The following PLEKHA8 variants were observed in gnomAD, a reference collection of about 807,000 sequenced individuals.
The protein encoded by PLEKHA8 is pleckstrin homology domain containing A8.
In PLEKHA8, 36 loss-of-function variants were observed where a neutral mutation model predicts 68.2. The observed-to-expected ratio is 0.53, with a 90% confidence interval of 0.40 to 0.70. The LOEUF (loss-of-function observed/expected upper bound fraction) is 0.70. Among genes scored for constraint, PLEKHA8 ranks in the 30% least tolerant of loss-of-function variants. The pLI is 0.00. For synonymous variants in PLEKHA8, 211 were observed against 216.1 expected, an observed-to-expected ratio of 0.98 and a Z score of 0.20; for missense variants, 505 against 615.4, an observed-to-expected ratio of 0.82 and a Z score of 1.90.
intron 13 of PLEKHA8, among the ~76,000 whole-genome samples, chr7:30,127,587 A>T (rs1382648069): frequency 6.6e-6 from 1 of 152,220 alleles, no homozygotes; most frequent in Non-Finnish European, 1.5e-5. Context: ...AGACTGAAAT[A>T]GACCGAAAGG....
At chr7:30,074,045 C>G (rs1255421985) in intron 12 of PLEKHA8, 26 bp from the exon 13 acceptor site, 4 of 1,586,706 alleles carry the variant, frequency 2.5e-6, no homozygotes, top group Non-Finnish European at 1.7e-6. Flanking sequence ...GAAAGTGTTC[C>G]TCATGGAGTT....
rs117143366 is a variant in PLEKHA8, at chr7:30,127,809, C to A, written c.1363-1457C>A. Among the ~76,000 whole-genome samples the A allele has an allele frequency of 6.0e-4, 92 of 152,292 alleles. No individual in the cohort carries two copies. In the East Asian group the frequency reaches 0.012, roughly 19 times the overall value. Reference sequence around the variant, plus strand: ...CCATGGATATTAACCAATTTTACATCTATTTTTACATTCATTTCAGCATTC... The same window carrying A: ...CCATGGATATTAACCAATTTTACATATATTTTTACATTCATTTCAGCATTC... On this transcript the variant is annotated intron_variant, in intron 13 of 13. Coordinates refer to the PLEKHA8 transcript ENST00000396257.
At chr7:30,069,009 T>A (rs1794055902) in intron 12 of PLEKHA8, among the ~76,000 whole-genome samples, 1 of 151,602 alleles carries the variant, frequency 6.6e-6, no homozygotes, top group Non-Finnish European at 1.5e-5. Flanking sequence ...ATACCAACTT[T>A]GAGAGAGAGA....
intron 13 of PLEKHA8, among the ~76,000 whole-genome samples, chr7:30,129,034 GGATGAA>G (rs1287283198): frequency 8.5e-5 from 13 of 152,180 alleles, no homozygotes; most frequent in Admixed American, 2.0e-4. Flanking sequence ...CCACCACTGG[GGATGAA>G]GTTTCAACAC....
intron 12 of PLEKHA8, among the ~76,000 whole-genome samples, chr7:30,073,062 A>AT (rs1355509842): frequency 6.6e-5 from 10 of 152,136 alleles, no homozygotes; most frequent in Non-Finnish European, 1.3e-4. Flanking sequence ...GGTTCTTGGG[A>AT]TTTTTTTCAT....
At chr7:30,037,034 T>C (rs933328741) in intron 1 of PLEKHA8, among the ~76,000 whole-genome samples, 1 of 152,118 alleles carries the variant, frequency 6.6e-6, no homozygotes, top group Non-Finnish European at 1.5e-5. Flanking sequence ...AGGGCTCTAA[T>C]GGGATGAGGT....
intron 13 of PLEKHA8, among the ~76,000 whole-genome samples, chr7:30,103,710 C>G (rs1418776092): frequency 6.6e-6 from 1 of 152,222 alleles, no homozygotes; most frequent in African/African-American, 2.4e-5. Context: ...AACTGCTTAT[C>G]TCTATGGAAA....
chr7:30,064,121 C>T (rs1452856445), intron 12 of PLEKHA8, among the ~76,000 whole-genome samples: 2 of 152,236 alleles, frequency 1.3e-5, no homozygotes, highest in Admixed American at 1.3e-4. Flanking sequence ...GTGCTCTGCC[C>T]TTAGGCAAGT....
At chr7:30,068,537 G>A (rs1794022919) in intron 12 of PLEKHA8, among the ~76,000 whole-genome samples, 1 of 152,156 alleles carries the variant, frequency 6.6e-6, no homozygotes, top group Non-Finnish European at 1.5e-5. Flanking sequence ...GCCTGTTCAT[G>A]TATTTGACCA....
In PLEKHA8 at chr7:30,074,083, G is replaced by A; in HGVS notation, c.1313G>A (p.Gly438Asp). 3 of 1,612,914 alleles carry A rather than the reference G, an allele frequency of 1.9e-6. No homozygotes were observed. Among genetic ancestry groups the A allele is most frequent in the Non-Finnish European group, 2.5e-6 (3 of 1,179,234 alleles). Residue 438 changes from glycine to aspartate, a missense_variant, in exon 13 of 14, where the codon GGT becomes GAT. Transcript: ENST00000449726. ...DIQTALNNAY[G>D]KTLRQHHGWV... ...TCTTCTTTTCAAGATAATGCATATG[G>A]TAAAACATTGCGGCAACACCATGGC...
chr7:30,036,439 G>C (rs923976165), intron 1 of PLEKHA8, among the ~76,000 whole-genome samples: 2 of 151,594 alleles, frequency 1.3e-5, no homozygotes, highest in Non-Finnish European at 2.9e-5. Flanking sequence ...TAGATAGATA[G>C]ATAGATAGAT....
At chr7:30,066,958 C>T (rs1793890596) in intron 12 of PLEKHA8, among the ~76,000 whole-genome samples, 1 of 152,158 alleles carries the variant, frequency 6.6e-6, no homozygotes, top group Admixed American at 6.5e-5. Flanking sequence ...ATAAGTTGGC[C>T]ATTCTGAAAA....
chr7:30,044,251 C>T (rs897072571), intron 1 of PLEKHA8, among the ~76,000 whole-genome samples: 1 of 151,982 alleles, frequency 6.6e-6, no homozygotes, highest in Admixed American at 6.6e-5. Flanking sequence ...ATGATCCATC[C>T]ACCTCGACCT....
chr7:30,056,232 C>G (rs1009774112), intron 9 of PLEKHA8, among the ~76,000 whole-genome samples: 14 of 148,158 alleles, frequency 9.4e-5, no homozygotes, highest in Admixed American at 8.8e-4. Flanking sequence ...TGTGAGCCAC[C>G]ACGCCCGGCC....
At position 30,080,718 on chromosome 7, in the gene PLEKHA8, G is replaced by A. The variant is rs1020197933; in HGVS notation, c.*1931G>A. 1.9e-5 allele frequency: 19 copies of A among 985,226 alleles called. No individual in the cohort carries two copies. In the African/African-American group the frequency reaches 3.1e-4, roughly 16 times the overall value. 61.0% of individuals were successfully genotyped at this position (985,226 alleles called of 1,614,324 possible). A position where few individuals can be genotyped will look rare whatever the true frequency, so the allele number is the denominator to read the frequency against. On this transcript the variant is annotated 3_prime_UTR_variant, in exon 14 of 14. Transcript: ENST00000449726. ...ATTATTTTGTATTTTGCCAAGGTGT[G>A]TGTGTGTTATTTCCCTCCCACTCTC...
chr7:30,125,048 T>C (rs905129145), intron 13 of PLEKHA8, among the ~76,000 whole-genome samples: 4 of 152,186 alleles, frequency 2.6e-5, no homozygotes, highest in Non-Finnish European at 5.9e-5. Context: ...TTTCCCTATT[T>C]TTAAATGTAC....
downstream of PLEKHA8, among the ~76,000 whole-genome samples, chr7:30,094,637 T>G (rs953642412): frequency 4.6e-5 from 7 of 151,746 alleles, no homozygotes; most frequent in Non-Finnish European, 7.4e-5. Flanking sequence ...ATTAGGTCAT[T>G]TAGCATTAGG....
In PLEKHA8 at chr7:30,074,007, T is replaced by TTATACAAA. The variant is rs1794439812; in HGVS notation, c.1301-61_1301-54dup. The TTATACAAA allele has an allele frequency of 7.9e-6, 11 of 1,385,358 alleles. No homozygotes were observed. The East Asian group carries it at 2.3e-4, about 30-fold the overall frequency. 85.8% of individuals were successfully genotyped at this position (1,385,358 alleles called of 1,614,324 possible). A position where few individuals can be genotyped will look rare whatever the true frequency, so the allele number is the denominator to read the frequency against. On this transcript the variant is annotated intron_variant, in intron 12 of 13. Transcript: ENST00000449726. Reference sequence around the variant, plus strand: ...TCTCTTTAAAAAAAAAAAAAGTACATTATACAAATAGCACATCAAATTCTG... The same window carrying TTATACAAA: ...TCTCTTTAAAAAAAAAAAAAGTACATTATACAAATATACAAATAGCACATCAAATTCTG...
intron 13 of PLEKHA8, among the ~76,000 whole-genome samples, chr7:30,108,298 G>T (rs2128015720): frequency 6.6e-6 from 1 of 152,118 alleles, no homozygotes; most frequent in East Asian, 1.9e-4. Flanking sequence ...AAATGAGATT[G>T]GGCTTTAATT....
Sources: gnomAD v4.1 joint callset for allele counts (sites outside exome capture counted in the v4.1 genomes callset) on GRCh38, gnomAD v4.1.1 for gene constraint, MANE v1.5 for transcripts, NCBI Gene and HGNC (gene_info 2026-07-23, HGNC 2026-07-21) for gene names.